Variants in CAD observed in about 807,000 individuals in gnomAD.
The protein encoded by CAD is multifunctional protein CAD.
In CAD, 81 loss-of-function variants were observed where a neutral mutation model predicts 237.2. The ratio of observed to expected loss-of-function variants is 0.34; its 90% confidence interval spans 0.29 to 0.41. The LOEUF is 0.41. Among genes scored for constraint, CAD ranks in the 10% least tolerant of loss-of-function variants. The pLI, the probability that CAD is intolerant of heterozygous loss-of-function variation, is 1.00. For synonymous variants in CAD, 1,196 were observed against 1,162.8 expected (o/e 1.03, Z -0.58); for missense variants, 2,181 against 2,951.7 (o/e 0.74, Z 6.05).
chr2:27,221,974 T>C (rs1051710863), intron 3 of CAD, among the ~76,000 whole-genome samples: 2 of 150,842 alleles, frequency 1.3e-5, no homozygotes, highest in East Asian at 3.9e-4. Context: ...TATATTATTT[T>C]CTATAAATGG....
Position 27,243,390 on chromosome 2 carries a change from CTTTTTTTT to C in CAD, c.6576-12_6576-5del, listed in dbSNP as rs5830040. ...TCCATGGGCTGCACGATAACACTTC[CTTTTTTTT>C]TTTTTTTTTTTTTGCAGCGTGGAAG... On this transcript the variant is annotated intron_variant, in intron 43 of 43. Transcript: ENST00000264705. 181 of 1,378,272 alleles carry C rather than the reference CTTTTTTTT, an allele frequency of 1.3e-4. No individual in the cohort carries two copies. The highest frequency in any genetic ancestry group is 1.5e-4 in the Non-Finnish European group (153 of 1,015,314). 85.4% of individuals were successfully genotyped at this position (1,378,272 alleles called of 1,614,324 possible).
At chr2:27,231,857 T>C in intron 16 of CAD, 123 bp from the exon 17 acceptor site, 1 of 1,167,774 alleles carries the variant, frequency 8.6e-7, no homozygotes, top group Non-Finnish European at 1.2e-6. Flanking sequence ...TCCAGGTTTT[T>C]GCAGTTACAC....
rs369868643 is a variant in CAD at position 27,243,336 on chromosome 2, C to T, written c.6575+44C>T. 1,389 of 1,607,116 alleles carry T rather than the reference C, an allele frequency of 8.6e-4. 1 individual carries two copies. The highest frequency in any genetic ancestry group is 1.7e-3 in the Middle Eastern group (10 of 5,986). ...CAGAGACTGCCTCGGGGCTGGTGGA[C>T]GGGAGGAGACTTAGTCCTGGACAAG... On this transcript the variant is annotated intron_variant, in intron 43 of 43. Transcript: ENST00000264705.
rs575934358 is a variant in CAD, at chr2:27,225,220, G to A, written c.1597G>A (p.Glu533Lys). ...AEIGEHVAPS[E>K]AANSLEQAQA... ...GATCGGAGAGCATGTGGCCCCGAGC[G>A]AGGCAGCAAATTCTCTTGAACAGGT... is the stretch of plus-strand genomic sequence containing the variant. The change falls in exon 11 of 44, where the codon GAG becomes AAG. Residue 533 changes from glutamate (E) to lysine (K), a missense_variant. Around this residue, in one of 12 missense-constraint regions of CAD, gnomAD observed 174 missense variants for 215.8 expected, o/e 0.81. Coordinates refer to ENST00000264705, the MANE Select transcript of CAD (RefSeq NM_004341.5). 1.5e-5 allele frequency: 24 copies of A among 1,613,368 alleles called. No individual in the cohort carries two copies. The highest frequency in any genetic ancestry group is 6.7e-5 in the East Asian group (3 of 44,872).
intron 6 of CAD, 95 bp from the exon 7 acceptor site, chr2:27,223,468 G>T: frequency 9.2e-7 from 1 of 1,088,818 alleles, no homozygotes. Context: ...CAGGAGTGAG[G>T]CTACTGAGAA....
chr2:27,233,858 G>A lies in CAD; in HGVS notation c.3399+50G>A. ...CTCTGAGGGCATGCTGCCAGCCCTGGAGGAGACTTCCTTCTCTGGTCCAGC... is the reference window on the plus strand; with the variant it reads ...CTCTGAGGGCATGCTGCCAGCCCTGAAGGAGACTTCCTTCTCTGGTCCAGC... On this transcript the variant is annotated intron_variant, in intron 21 of 43. Coordinates refer to ENST00000264705, the MANE Select transcript of CAD (RefSeq NM_004341.5). This position sits in a 1 kb window ranked among gnomAD's most constrained non-coding sequence, Gnocchi z 6.3. 6.3e-7 allele frequency: 1 copy of A among 1,596,424 alleles called. No homozygotes were observed. The highest frequency in any genetic ancestry group is 1.7e-5 in the Admixed American group (1 of 59,820).
chr2:27,239,663 G>A lies in CAD; in HGVS notation c.5395-34G>A, dbSNP rs1263540282. The A allele has an allele frequency of 4.6e-6, 7 of 1,535,296 alleles. No individual in the cohort carries two copies. In the Admixed American group the frequency reaches 7.5e-5, roughly 17 times the overall value. ...CCCCTTTAGGACCTGAGTTCTCTCT[G>A]CTCCCTCCTGAGTGCCCTGCCTTCT... On this transcript the variant is annotated intron_variant, in intron 33 of 43. Coordinates refer to ENST00000264705, the MANE Select transcript of CAD (RefSeq NM_004341.5). The surrounding 1 kb of genome is among the most constrained non-coding windows in gnomAD (Gnocchi z 4.0).
intron 3 of CAD, 37 bp downstream of exon 3, chr2:27,221,384 C>T: frequency 6.8e-7 from 1 of 1,479,398 alleles, no homozygotes. Context: ...GGGCAGAGCA[C>T]AGCATGCCTG....
chr2:27,234,686 G>T lies in CAD; in HGVS notation c.3786+1G>T. On this transcript the variant is annotated splice_donor_variant, in intron 23 of 43. Coordinates refer to ENST00000264705, the MANE Select transcript of CAD (RefSeq NM_004341.5). LOFTEE classifies it high-confidence loss of function. ...TGGTTCTGGAGTCGTGGGAGTAAAG[G>T]TAAGGAATATCGAAACCCTTGGGGT... The T allele has an allele frequency of 6.2e-7, 1 of 1,613,686 alleles. No homozygotes were observed. The highest frequency in any genetic ancestry group is 8.5e-7 in the Non-Finnish European group (1 of 1,179,670).
intron 1 of CAD, 25 bp from the exon 2 acceptor site, chr2:27,217,852 G>A (rs755467796): frequency 6.3e-7 from 1 of 1,575,472 alleles, no homozygotes; most frequent in South Asian, 1.2e-5. Flanking sequence ...CCCTACCGGA[G>A]CCCAGCCCTG....
chr2:27,241,438 C>T lies in CAD; in HGVS notation c.5883+42C>T. On this transcript the variant is annotated intron_variant, in intron 38 of 43. Coordinates refer to ENST00000264705, the MANE Select transcript of CAD (RefSeq NM_004341.5). The surrounding 1 kb of genome is among the most constrained non-coding windows in gnomAD (Gnocchi z 4.6). ...GGGGTAGGGTCCAGGCCATCGCCTG[C>T]CCTTGGGCCGCATCAGCGCAGGGCC... 2 of 1,597,628 alleles carry T rather than the reference C, an allele frequency of 1.3e-6. No homozygotes were observed. The highest frequency in any genetic ancestry group is 1.7e-6 in the Non-Finnish European group (2 of 1,165,280).
At position 27,233,238 on chromosome 2, in the gene CAD, G is replaced by T; in HGVS notation, c.2992-74G>T. 1 of 1,520,174 alleles carries T rather than the reference G, an allele frequency of 6.6e-7. No individual in the cohort carries two copies. The allele number at this position is 1,520,174 out of a possible 1,614,324, so 94.2% of individuals were successfully genotyped here. A position where few individuals can be genotyped will look rare whatever the true frequency, so the allele number is the denominator to read the frequency against. On this transcript the variant is annotated intron_variant, in intron 19 of 43. Coordinates refer to ENST00000264705, the MANE Select transcript of CAD (RefSeq NM_004341.5). This position sits in a 1 kb window ranked among gnomAD's most constrained non-coding sequence, Gnocchi z 6.3. ...CTTTGAAACTTGGTGGCGGCTGAGG[G>T]AAGCAGTGAGCAGGAAGGCTCAGAT...
At position 27,222,153 on chromosome 2, in the gene CAD, G is replaced by A. The variant is rs1288585178; in HGVS notation, c.353-41G>A. The A allele has an allele frequency of 5.7e-6, 9 of 1,589,090 alleles. No homozygotes were observed. In the East Asian group the frequency reaches 6.8e-5, roughly 12 times the overall value. On this transcript the variant is annotated intron_variant, in intron 3 of 43. Coordinates refer to ENST00000264705, the MANE Select transcript of CAD (RefSeq NM_004341.5). ...GAAGTCTAACCTCACAGATGACTGA[G>A]TTGTAGGAATGTGATCCCTAAGACT...
Position 27,237,465 on chromosome 2 carries a change from G to C in CAD, c.4483G>C (p.Gly1495Arg). The change falls in exon 28 of 44, where the codon GGG becomes CGG. Residue 1495 changes from glycine (G) to arginine (R), a missense_variant. By Grantham distance (125) the Gly-to-Arg change is moderately radical. Transcript: ENST00000264705. The surrounding 1 kb of genome is among the most constrained non-coding windows in gnomAD (Gnocchi z 4.0). ...FASGTAAALA[G>R]GITMVCAMPN... The stretch of plus-strand genomic sequence containing the variant: ...TTCAGGCACAGCCGCTGCCCTGGCT[G>C]GGGGTATCACCATGGTGTGTGCCAT... 6.2e-7 allele frequency: 1 copy of C among 1,614,178 alleles called. No individual in the cohort carries two copies. Among genetic ancestry groups the C allele is most frequent in the Non-Finnish European group, 8.5e-7 (1 of 1,180,008 alleles).
chr2:27,229,604 G>A (rs1456151511), intron 15 of CAD, among the ~76,000 whole-genome samples: 7 of 152,034 alleles, frequency 4.6e-5, no homozygotes, highest in African/African-American at 1.7e-4. Flanking sequence ...TGGGCCGGGC[G>A]CGGTGGCTCA....
At position 27,240,246 on chromosome 2, in the gene CAD, G is replaced by C. The variant is rs753489364; in HGVS notation, c.5497-19G>C. On this transcript the variant is annotated intron_variant, in intron 34 of 43. Transcript: ENST00000264705. The surrounding 1 kb of genome is among the most constrained non-coding windows in gnomAD (Gnocchi z 4.6). ...AAGAAAAAAAAAAAAACAACTCTGG[G>C]CCAACGTTATCCCTCCAGACACCTG... 9.8e-5 allele frequency: 156 copies of C among 1,597,476 alleles called. No individual in the cohort carries two copies. Among genetic ancestry groups the C allele is most frequent in the Non-Finnish European group, 1.3e-4 (148 of 1,167,670 alleles).
At position 27,225,805 on chromosome 2, in the gene CAD, T is replaced by C. The variant is rs2148066142; in HGVS notation, c.1721T>C (p.Leu574Pro). 6.2e-7 allele frequency: 1 copy of C among 1,614,180 alleles called. No homozygotes were observed. Among genetic ancestry groups the C allele is most frequent in the Non-Finnish European group, 8.5e-7 (1 of 1,180,020 alleles). The change falls in exon 12 of 44, where the codon CTC becomes CCC. Residue 574 changes from leucine to proline, a missense_variant. By Grantham distance (98) the Leu-to-Pro change is moderately conservative (BLOSUM62 -3). This residue lies in a region of CAD where 174 missense variants were observed against 215.8 expected (regional missense o/e 0.81). Coordinates refer to ENST00000264705, the MANE Select transcript of CAD (RefSeq NM_004341.5). ...GSGFASNREE[L>P]SALVAPAFAH... is the part of the protein sequence containing the mutation. The stretch of plus-strand genomic sequence containing the variant: ...GGCTTTGCCTCTAACAGGGAGGAGC[T>C]CTCTGCTCTCGTGGCCCCAGCTTTT...
In CAD at chr2:27,242,119, T is replaced by C. The variant is rs1240853958; in HGVS notation, c.6092T>C (p.Val2031Ala). Residue 2031 changes from valine (V) to alanine (A), a missense_variant, in exon 39 of 44, where the codon GTG (valine) becomes GCG (alanine). Transcript: ENST00000264705. This position sits in a 1 kb window ranked among gnomAD's most constrained non-coding sequence, Gnocchi z 6.4. The stretch of plus-strand genomic sequence containing the variant: ...CTCCGGCACCCCCAGCCTGGAGCAG[T>C]GGAGGTGAGGCCAGCCTGGGTACTG... ...VVLRHPQPGA[V>A]ELAAKHCRRP... is the part of the protein sequence containing the mutation. 1.2e-6 allele frequency: 2 copies of C among 1,612,422 alleles called. No homozygotes were observed. Among genetic ancestry groups the C allele is most frequent in the Non-Finnish European group, 1.7e-6 (2 of 1,179,868 alleles).
At chr2:27,220,824 G>T (rs898484616) in intron 2 of CAD, among the ~76,000 whole-genome samples, 2 of 152,090 alleles carry the variant, frequency 1.3e-5, no homozygotes, top group African/African-American at 2.4e-5. Flanking sequence ...CGGGTGTGGT[G>T]GCGGGCGCCT....
Sources: gnomAD v4.1 joint callset for allele counts (sites outside exome capture counted in the v4.1 genomes callset) on GRCh38, gnomAD v4.1.1 for gene constraint, gnomAD v4.1.1 regional missense constraint, Gnocchi (gnomAD v3.1) non-coding constraint, MANE v1.5 for transcripts, NCBI Gene and HGNC (gene_info 2026-07-23, HGNC 2026-07-21) for gene names.